HIPK2: variants seen among roughly 807,000 people sequenced by gnomAD.
The protein encoded by HIPK2 is homeodomain interacting protein kinase 2, also known as homeodomain-interacting protein kinase 2.
HIPK2 carries 27 observed loss-of-function variants against 113.7 expected under a neutral mutation model. That is an observed-to-expected ratio of 0.24 (90% confidence interval 0.17 to 0.33). HIPK2 has a LOEUF of 0.33. HIPK2 is among the 10% of genes least tolerant of loss of function. HIPK2 has a pLI of 1.00. For missense variants in HIPK2, 1,257 were observed against 1,588.0 expected (o/e 0.79, Z 3.54); for synonymous variants, 631 against 642.2 (o/e 0.98, Z 0.26).
rs1338285849 is a variant in HIPK2, at chr7:139,716,544, G to A, written c.491C>T (p.Ala164Val). Residue 164 changes from alanine (A) to valine (V), a missense_variant, in exon 2 of 15, where the codon GCC (alanine) becomes GTC (valine). Physicochemically the swap from Ala to Val is moderately conservative, Grantham distance 64. This residue lies in a region of HIPK2 where 209 missense variants were observed against 237.8 expected (regional missense o/e 0.88). Coordinates refer to ENST00000406875, the MANE Select transcript of HIPK2 (RefSeq NM_022740.5). The surrounding 1 kb of genome is among the most constrained non-coding windows in gnomAD (Gnocchi z 9.3). ...IQNNASGATV[A>V]TATTSTATSK... ...GGTGGCAGTAGACGTGGTGGCAGTG[G>A]CGACAGTGGCCCCGCTTGCATTATT... The A allele has an allele frequency of 1.9e-6, 3 of 1,613,990 alleles. No individual in the cohort carries two copies. The highest frequency in any genetic ancestry group is 2.5e-6 in the Non-Finnish European group (3 of 1,179,886).
rs1401948184 is a variant in HIPK2 at position 139,572,644 on chromosome 7, A to C, written c.*283T>G. 3.0e-5 allele frequency: 10 copies of C among 331,826 alleles called. No homozygotes were observed. Among genetic ancestry groups the C allele is most frequent in the Non-Finnish European group, 4.9e-5 (9 of 184,622 alleles). 20.6% of individuals were successfully genotyped at this position (331,826 alleles called of 1,614,324 possible). A position where few individuals can be genotyped will look rare whatever the true frequency, so the allele number is the denominator to read the frequency against. ...TTCCTTTTTCTTTTTTAAAATAAAA[A>C]CCATAGATTTCCCACCCTCTTTAAT... On this transcript the variant is annotated 3_prime_UTR_variant, in exon 15 of 15. Transcript: ENST00000406875.
chr7:139,771,034 T>G (rs1796641404), intron 1 of HIPK2, among the ~76,000 whole-genome samples: 2 of 152,222 alleles, frequency 1.3e-5, no homozygotes. Context: ...TTACATCTTT[T>G]GCCTTTTCCA....
intron 2 of HIPK2, among the ~76,000 whole-genome samples, chr7:139,690,706 G>A (rs1029178715): frequency 2.0e-5 from 3 of 151,984 alleles, no homozygotes; most frequent in Admixed American, 1.3e-4. Flanking sequence ...AAAGAGCCTG[G>A]CACTCCCCTG....
intron 2 of HIPK2, among the ~76,000 whole-genome samples, chr7:139,667,094 A>G (rs1010876688): frequency 2.0e-5 from 3 of 151,942 alleles, no homozygotes; most frequent in Non-Finnish European, 4.4e-5. Context: ...AAAAAACTCC[A>G]CACTCTAACT....
chr7:139,702,349 G>T (rs2116854973), intron 2 of HIPK2, among the ~76,000 whole-genome samples: 1 of 152,348 alleles, frequency 6.6e-6, no homozygotes, highest in South Asian at 2.1e-4. Flanking sequence ...TGTGGAGACA[G>T]GGAAGCATCC....
rs1800631376 is a variant in HIPK2, at chr7:139,631,928, G to A, written c.1104-203C>T. The A allele has an allele frequency of 4.8e-6, 1 of 207,806 alleles. No homozygotes were observed. Among genetic ancestry groups the A allele is most frequent in the Non-Finnish European group, 8.4e-6 (1 of 119,194 alleles). 12.9% of individuals were successfully genotyped at this position (207,806 alleles called of 1,614,324 possible). On this transcript the variant is annotated intron_variant, in intron 2 of 14. Transcript: ENST00000406875. The surrounding 1 kb of genome is among the most constrained non-coding windows in gnomAD (Gnocchi z 4.9). ...CCATTAGTGGAGGGCCCACTTGGAA[G>A]GTTGGCTGAGATGAAGGATAAGTCT...
intron 1 of HIPK2, among the ~76,000 whole-genome samples, chr7:139,773,153 G>A (rs1026081820): frequency 2.6e-5 from 4 of 152,132 alleles, no homozygotes; most frequent in African/African-American, 7.2e-5. Context: ...ATGGGCCCTC[G>A]TCTGTCAAGA....
At chr7:139,703,053 A>G (rs1794759943) in intron 2 of HIPK2, among the ~76,000 whole-genome samples, 1 of 152,172 alleles carries the variant, frequency 6.6e-6, no homozygotes, top group African/African-American at 2.4e-5. Context: ...GGATGAACAA[A>G]CATATCTTTT....
Position 139,566,105 on chromosome 7 carries a change from A to T in HIPK2, c.*6822T>A, listed in dbSNP as rs1798083777. On this transcript the variant is annotated 3_prime_UTR_variant, in exon 15 of 15. Coordinates refer to ENST00000406875, the MANE Select transcript of HIPK2 (RefSeq NM_022740.5). The surrounding 1 kb of genome is among the most constrained non-coding windows in gnomAD (Gnocchi z 4.1). Reference sequence around the variant, plus strand: ...TCTCCAGAGATTTTCTCTAAAAATCAAACGAATTCTGCCCCTTTTGCCTAA... The same window carrying T: ...TCTCCAGAGATTTTCTCTAAAAATCTAACGAATTCTGCCCCTTTTGCCTAA... The T allele has an allele frequency of 6.6e-6, 1 of 152,250 alleles. No homozygotes were observed. The highest frequency in any genetic ancestry group is 2.1e-4 in the South Asian group (1 of 4,832). 9.4% of individuals were successfully genotyped at this position (152,250 alleles called of 1,614,324 possible). A position where few individuals can be genotyped will look rare whatever the true frequency, so the allele number is the denominator to read the frequency against.
At chr7:139,698,530 G>A (rs1397054331) in intron 2 of HIPK2, among the ~76,000 whole-genome samples, 1 of 152,188 alleles carries the variant, frequency 6.6e-6, no homozygotes, top group Non-Finnish European at 1.5e-5. Context: ...TTGACGAACT[G>A]CCAAACTGTT....
chr7:139,660,027 T>G (rs1488496488), intron 2 of HIPK2, among the ~76,000 whole-genome samples: 1 of 152,240 alleles, frequency 6.6e-6, no homozygotes, highest in African/African-American at 2.4e-5. Flanking sequence ...AAATCACCTT[T>G]GGGCGGGTTG....
intron 1 of HIPK2, chr7:139,722,115 G>A: frequency 2.7e-6 from 1 of 370,638 alleles, no homozygotes; most frequent in Non-Finnish European, 5.5e-6. Flanking sequence ...GAGTTCATGT[G>A]GTTGCTACAG....
In HIPK2 at chr7:139,674,231, C is replaced by T. The variant is rs76506301; in HGVS notation, c.1103+41701G>A. On this transcript the variant is annotated intron_variant, in intron 2 of 14. Coordinates refer to ENST00000406875, the MANE Select transcript of HIPK2 (RefSeq NM_022740.5). ...TCCCTACATCATCTCATTTGGTGCT[C>T]AGAGCTGTGGTGGGGAAGGCCTCTC... is the stretch of plus-strand genomic sequence containing the variant. Among the ~76,000 whole-genome samples the T allele has an allele frequency of 5.1e-4, 77 of 152,290 alleles. 2 individuals carry two copies. The East Asian group carries it at 0.015, about 29-fold the overall frequency.
Position 139,716,318 on chromosome 7 carries a change from T to C in HIPK2, c.717A>G (p.Gln239=). The C allele has an allele frequency of 6.2e-7, 1 of 1,614,202 alleles. No individual in the cohort carries two copies. Among genetic ancestry groups the C allele is most frequent in the Non-Finnish European group, 8.5e-7 (1 of 1,180,036 alleles). ...CCAGGATGCTCACTTCAATCTGACC[T>C]TGTCGGGCATAGGATGGGTGGTTCT... ...ILKNHPSYAR[Q]GQIEVSILAR... The change falls in exon 2 of 15, where the codon CAA becomes CAG. Residue 239 remains glutamine, a synonymous_variant. Coordinates refer to ENST00000406875, the MANE Select transcript of HIPK2 (RefSeq NM_022740.5). This position sits in a 1 kb window ranked among gnomAD's most constrained non-coding sequence, Gnocchi z 9.3.
At position 139,569,862 on chromosome 7, in the gene HIPK2, A is replaced by G. The variant is rs1798207095; in HGVS notation, c.*3065T>C. The G allele has an allele frequency of 6.6e-6, 1 of 152,210 alleles. No homozygotes were observed. The highest frequency in any genetic ancestry group is 1.5e-5 in the Non-Finnish European group (1 of 68,038). The allele number at this position is 152,210 out of a possible 1,614,324, so 9.4% of individuals were successfully genotyped here. ...ACAAAGATACTTGGAATAAATGTGC[A>G]TTTAAAACCCTGACTAAAATATCAA... is the stretch of plus-strand genomic sequence containing the variant. On this transcript the variant is annotated 3_prime_UTR_variant, in exon 15 of 15. Coordinates refer to ENST00000406875, the MANE Select transcript of HIPK2 (RefSeq NM_022740.5).
chr7:139,606,485 G>GCCT (rs1205116009), intron 9 of HIPK2, among the ~76,000 whole-genome samples: 1 of 152,204 alleles, frequency 6.6e-6, no homozygotes, highest in African/African-American at 2.4e-5. Context: ...AAGAGAGTAG[G>GCCT]AGAGAGGCAA....
intron 7 of HIPK2, among the ~76,000 whole-genome samples, chr7:139,618,416 T>C (rs1238557451): frequency 6.6e-6 from 1 of 152,070 alleles, no homozygotes; most frequent in Non-Finnish European, 1.5e-5. Context: ...GACCCTTTGC[T>C]TTTGTGGGAT....
At position 139,596,775 on chromosome 7, in the gene HIPK2, C is replaced by CGCT. The variant is rs1799230252; in HGVS notation, c.2656_2658dup (p.Ser886dup). ...TCCGTGTCACTGCTGATGGTGATGA[C>CGCT]GCTGACCGTGGGGCTGGGAGTGTCG... On this transcript the variant is annotated inframe_insertion, in exon 12 of 15. Transcript: ENST00000406875. The CGCT allele has an allele frequency of 6.2e-7, 1 of 1,613,898 alleles. No individual in the cohort carries two copies. Among genetic ancestry groups the CGCT allele is most frequent in the East Asian group, 2.2e-5 (1 of 44,880 alleles).
chr7:139,565,641 G>C lies in HIPK2; in HGVS notation c.*7286C>G, dbSNP rs1798066759. On this transcript the variant is annotated 3_prime_UTR_variant, in exon 15 of 15. Coordinates refer to ENST00000406875, the MANE Select transcript of HIPK2 (RefSeq NM_022740.5). ...ACAATTGTTGCTATTTCTTTGAGAA[G>C]AGTATCTCAAAAGAAAACATTCTTT... 6.6e-6 allele frequency: 1 copy of C among 151,642 alleles called. No individual in the cohort carries two copies. Among genetic ancestry groups the C allele is most frequent in the Admixed American group, 6.6e-5 (1 of 15,218 alleles). The allele number at this position is 151,642 out of a possible 1,614,324, so 9.4% of individuals were successfully genotyped here.
Sources: allele counts gnomAD v4.1 joint callset (sites outside exome capture counted in the v4.1 genomes callset), GRCh38; gene constraint gnomAD v4.1.1; regional missense constraint gnomAD v4.1.1; non-coding constraint Gnocchi (gnomAD v3.1); transcripts MANE v1.5; gene names NCBI Gene and HGNC (gene_info 2026-07-23, HGNC 2026-07-21).